HDAC4: variants seen among roughly 807,000 people sequenced by gnomAD.
HDAC4 encodes histone deacetylase 4, also known as histone deacetylase A.
A neutral mutation model predicts 135.1 loss-of-function variants in HDAC4; 16 were observed. That is an observed-to-expected ratio of 0.12 (90% CI 0.08 to 0.18). HDAC4 has a LOEUF of 0.18. Among genes scored for constraint, HDAC4 ranks in the 10% least tolerant of loss-of-function variants. HDAC4 has a pLI of 1.00. For missense variants in HDAC4, 1,143 were observed against 1,511.8 expected, an observed-to-expected ratio of 0.76 and a Z score of 4.05; for synonymous variants, 685 against 653.4, an observed-to-expected ratio of 1.05 and a Z score of -0.74.
intron 12 of HDAC4, among the ~76,000 whole-genome samples, chr2:239,121,740 G>A (rs147671576): frequency 5.7e-4 from 87 of 152,360 alleles, no homozygotes; most frequent in African/African-American, 1.9e-3. Context: ...GTGGTGCCAC[G>A]TCAGAGCCCT....
intron 1 of HDAC4, among the ~76,000 whole-genome samples, chr2:239,370,975 G>A (rs1694566420): frequency 7.6e-6 from 1 of 131,502 alleles, no homozygotes; most frequent in Admixed American, 7.6e-5. Flanking sequence ...GCCCTTTGGA[G>A]CCACTGATGT....
At chr2:239,226,563 T>A (rs1231776889) in intron 3 of HDAC4, among the ~76,000 whole-genome samples, 1 of 152,124 alleles carries the variant, frequency 6.6e-6, no homozygotes, top group East Asian at 1.9e-4. Context: ...CCCCAACCAA[T>A]AACCGTCTGC....
chr2:239,113,981 C>T (rs781033905), intron 13 of HDAC4, among the ~76,000 whole-genome samples: 1 of 152,144 alleles, frequency 6.6e-6, no homozygotes, highest in East Asian at 1.9e-4. Flanking sequence ...GGGGGAAGCT[C>T]GGTGGAGAAG....
chr2:239,189,878 C>T lies in HDAC4; in HGVS notation c.294G>A (p.Glu98=). 1 of 1,610,430 alleles carries T rather than the reference C, an allele frequency of 6.2e-7. No individual in the cohort carries two copies. Among genetic ancestry groups the T allele is most frequent in the Non-Finnish European group, 8.5e-7 (1 of 1,179,880 alleles). ...GCGCCTCGTGCTGCCGGGAGAGCTG[C>T]TCGTGCTGCCTCTGGAACTCAGCGA... ...ILIAEFQRQH[E]QLSRQHEAQL... is the part of the protein sequence containing the mutation. The change falls in exon 4 of 27, where the codon GAG becomes GAA. Residue 98 remains glutamate (E), a synonymous_variant. Transcript: ENST00000543185.
At chr2:239,097,247 C>T (rs1216936805) in intron 16 of HDAC4, among the ~76,000 whole-genome samples, 1 of 152,238 alleles carries the variant, frequency 6.6e-6, no homozygotes, top group East Asian at 1.9e-4. Flanking sequence ...GGCATTGAGC[C>T]AGCAGGGGCT....
chr2:239,393,561 C>T (rs1460566604), intron 1 of HDAC4, among the ~76,000 whole-genome samples: 4 of 152,230 alleles, frequency 2.6e-5, no homozygotes, highest in African/African-American at 7.2e-5. Context: ...AATGCAGCCC[C>T]GAAACTCTGG....
At chr2:239,224,521 C>G (rs992503715) in intron 3 of HDAC4, among the ~76,000 whole-genome samples, 7 of 148,544 alleles carry the variant, frequency 4.7e-5, no homozygotes, top group African/African-American at 1.7e-4. Context: ...AATGTCTGCT[C>G]ACCTTCTAAG....
At chr2:239,187,483 G>C (rs145070548) in intron 4 of HDAC4, among the ~76,000 whole-genome samples, 176 of 152,350 alleles carry the variant, frequency 1.2e-3, no homozygotes, top group African/African-American at 3.8e-3. Context: ...CAGGCTGCAG[G>C]GATTGCCTGC....
chr2:239,062,690 G>A (rs2032937827), intron 24 of HDAC4, among the ~76,000 whole-genome samples: 1 of 147,798 alleles, frequency 6.8e-6, no homozygotes, highest in African/African-American at 2.5e-5. Context: ...GGAAAAGACT[G>A]TTTGATGTGA....
chr2:239,270,443 GC>G (rs1388338069), intron 2 of HDAC4, among the ~76,000 whole-genome samples: 1 of 152,140 alleles, frequency 6.6e-6, no homozygotes, highest in Non-Finnish European at 1.5e-5. Context: ...AGTGAAGCAG[GC>G]GATAGAGAAA....
chr2:239,181,879 C>T (rs1170577840), intron 4 of HDAC4, among the ~76,000 whole-genome samples: 4 of 152,320 alleles, frequency 2.6e-5, no homozygotes, highest in South Asian at 4.1e-4. Flanking sequence ...GTCATCAAAC[C>T]GTCACTTTTG....
At chr2:239,362,725 CAG>C (rs1384441588) in intron 1 of HDAC4, among the ~76,000 whole-genome samples, 7 of 152,192 alleles carry the variant, frequency 4.6e-5, no homozygotes, top group African/African-American at 1.4e-4. Flanking sequence ...TCCTGGGCAA[CAG>C]AGAGCCTTCA....
At chr2:239,101,248 C>A (rs1255496697) in intron 16 of HDAC4, among the ~76,000 whole-genome samples, 2 of 152,242 alleles carry the variant, frequency 1.3e-5, no homozygotes, top group African/African-American at 4.8e-5. Context: ...AGCAGCGTGA[C>A]CGCCACCCCA....
At chr2:239,151,853 T>C (rs1302289222) in intron 7 of HDAC4, among the ~76,000 whole-genome samples, 2 of 151,000 alleles carry the variant, frequency 1.3e-5, no homozygotes, top group Non-Finnish European at 3.0e-5. Context: ...CTGGGGAGAG[T>C]GTTTGCTGCT....
intron 1 of HDAC4, among the ~76,000 whole-genome samples, chr2:239,377,155 C>T (rs1308701645): frequency 6.6e-6 from 1 of 152,182 alleles, no homozygotes; most frequent in South Asian, 2.1e-4. Context: ...TCTATGGCAG[C>T]CCAAAGGCTA....
At chr2:239,321,968 G>A (rs531674303) in intron 2 of HDAC4, among the ~76,000 whole-genome samples, 4 of 152,342 alleles carry the variant, frequency 2.6e-5, no homozygotes, top group Admixed American at 2.0e-4. Flanking sequence ...AGCAACGAAA[G>A]CACAGATTTG....
chr2:239,262,856 G>C lies in HDAC4; in HGVS notation c.23-26192C>G, dbSNP rs985923349. 2.6e-5 allele frequency among the ~76,000 whole-genome samples: 4 copies of C among 152,180 alleles called. No homozygotes were observed. The highest frequency in any genetic ancestry group is 2.6e-4 in the Admixed American group (4 of 15,280). On this transcript the variant is annotated intron_variant, in intron 2 of 26. Coordinates refer to ENST00000543185, the MANE Select transcript of HDAC4 (RefSeq NM_001378414.1). The surrounding 1 kb of genome is among the most constrained non-coding windows in gnomAD (Gnocchi z 4.1). ...CAGCTCTTGGAAAAGCTGGTGCCCTGGTGAGCAGGAGAGCGTGAGGCTCTA... is the reference window on the plus strand; with the variant it reads ...CAGCTCTTGGAAAAGCTGGTGCCCTCGTGAGCAGGAGAGCGTGAGGCTCTA...
At chr2:239,370,589 T>C (rs892655064) in intron 1 of HDAC4, among the ~76,000 whole-genome samples, 1 of 152,058 alleles carries the variant, frequency 6.6e-6, no homozygotes, top group African/African-American at 2.4e-5. Context: ...TTTCAGGAGG[T>C]CATGCACTGT....
At chr2:239,175,397 C>T (rs1317718482) in intron 5 of HDAC4, among the ~76,000 whole-genome samples, 1 of 152,224 alleles carries the variant, frequency 6.6e-6, no homozygotes, top group African/African-American at 2.4e-5. Context: ...TGCAGAGGAG[C>T]CCACGGGTCA....
Sources: gnomAD v4.1 joint callset for allele counts (sites outside exome capture counted in the v4.1 genomes callset) on GRCh38, gnomAD v4.1.1 for gene constraint, Gnocchi (gnomAD v3.1) non-coding constraint, MANE v1.5 for transcripts, NCBI Gene and HGNC (gene_info 2026-07-23, HGNC 2026-07-21) for gene names.